The following RPS6KA5 variants were observed in gnomAD, a reference collection of about 807,000 sequenced individuals.
RPS6KA5 encodes ribosomal protein S6 kinase A5.
A neutral mutation model predicts 85.5 loss-of-function variants in RPS6KA5; 27 were observed. That is an observed-to-expected ratio of 0.32 (90% CI 0.23 to 0.44). The LOEUF (loss-of-function observed/expected upper bound fraction) is 0.44. Among genes scored for constraint, RPS6KA5 ranks in the 20% least tolerant of loss-of-function variants. The pLI is 1.00. For synonymous variants in RPS6KA5, 334 were observed against 348.2 expected (o/e 0.96, Z 0.46); for missense variants, 811 against 980.9 (o/e 0.83, Z 2.31).
intron 7 of RPS6KA5, among the ~76,000 whole-genome samples, chr14:90,908,034 C>A (rs904462549): frequency 6.6e-6 from 1 of 152,238 alleles, no homozygotes; most frequent in Non-Finnish European, 1.5e-5. Context: ...CATACTGACT[C>A]TGCACCATCT....
chr14:90,863,042 T>A lies in RPS6KA5; in HGVS notation c.*9032A>T, dbSNP rs75055810. ...ATATTGGGCTGGGTGAGGTGGCTCA[T>A]GCCTGTAATCTCAGCACTTTGGGAG... On this transcript the variant is annotated 3_prime_UTR_variant, in exon 17 of 17. Coordinates refer to ENST00000614987, the MANE Select transcript of RPS6KA5 (RefSeq NM_004755.4). The A allele has an allele frequency of 1.3e-5, 2 of 151,874 alleles. No individual in the cohort carries two copies. Among genetic ancestry groups the A allele is most frequent in the East Asian group, 3.9e-4 (2 of 5,172 alleles). 9.4% of individuals were successfully genotyped at this position (151,874 alleles called of 1,614,324 possible).
intron 5 of RPS6KA5, among the ~76,000 whole-genome samples, chr14:90,926,652 T>C (rs2036684984): frequency 7.5e-6 from 1 of 132,778 alleles, no homozygotes; most frequent in Non-Finnish European, 1.6e-5. Flanking sequence ...TGTGTATATA[T>C]ATATATATTT....
At position 90,906,061 on chromosome 14, in the gene RPS6KA5, G is replaced by C. The variant is rs532310165; in HGVS notation, c.957+88C>G. On this transcript the variant is annotated intron_variant, in intron 8 of 16. Coordinates refer to ENST00000614987, the MANE Select transcript of RPS6KA5 (RefSeq NM_004755.4). Reference sequence around the variant, plus strand: ...TGCCAGTGGAAAATGATCCCAAAGGGGACTGTGTTCACTAATTTCACCAAG... The same window carrying C: ...TGCCAGTGGAAAATGATCCCAAAGGCGACTGTGTTCACTAATTTCACCAAG... 2.7e-5 allele frequency: 34 copies of C among 1,253,648 alleles called. No homozygotes were observed. The East Asian group carries it at 5.9e-4, about 22-fold the overall frequency. The allele number at this position is 1,253,648 out of a possible 1,614,324, so 77.7% of individuals were successfully genotyped here.
rs1449473050 is a variant in RPS6KA5 at position 90,865,755 on chromosome 14, G to A, written c.*6319C>T. ...AAACAGAGGAGAGAGCTATCACATG[G>A]GCTTCCTAGAGAAAAATAAGCACTT... On this transcript the variant is annotated 3_prime_UTR_variant, in exon 17 of 17. Coordinates refer to ENST00000614987, the MANE Select transcript of RPS6KA5 (RefSeq NM_004755.4). The A allele has an allele frequency of 6.6e-6, 1 of 152,088 alleles. No homozygotes were observed. The highest frequency in any genetic ancestry group is 1.5e-5 in the Non-Finnish European group (1 of 68,036). The allele number at this position is 152,088 out of a possible 1,614,324, so 9.4% of individuals were successfully genotyped here. A position where few individuals can be genotyped will look rare whatever the true frequency, so the allele number is the denominator to read the frequency against.
At chr14:90,966,378 T>C (rs180978043) in intron 3 of RPS6KA5, among the ~76,000 whole-genome samples, 41 of 152,314 alleles carry the variant, frequency 2.7e-4, no homozygotes, top group Non-Finnish European at 5.3e-4. Context: ...AAATAAAGCA[T>C]TTCAGGAGTT....
intron 2 of RPS6KA5, among the ~76,000 whole-genome samples, chr14:90,983,969 G>A (rs140781751): frequency 0.011 from 1,655 of 152,000 alleles, 13 homozygotes; most frequent in African/African-American, 0.018. Context: ...CCCAGCCTCC[G>A]GATTAGCTGG....
rs1052507035 is a variant in RPS6KA5, at chr14:91,015,376, T to TA, written c.104-14218dup. Among the ~76,000 whole-genome samples the TA allele has an allele frequency of 2.1e-3, 321 of 150,730 alleles. 2 individuals carry two copies. The highest frequency in any genetic ancestry group is 7.2e-3 in the African/African-American group (298 of 41,178). The stretch of plus-strand genomic sequence containing the variant: ...AAAAATTTGATAACTTGTGAATGAT[T>TA]AAAAAAAAAATTAAACCATTACAGC... On this transcript the variant is annotated intron_variant, in intron 1 of 16. Transcript: ENST00000614987.
intron 3 of RPS6KA5, among the ~76,000 whole-genome samples, chr14:90,966,686 T>C (rs2039079841): frequency 6.6e-6 from 1 of 152,188 alleles, no homozygotes; most frequent in Non-Finnish European, 1.5e-5. Context: ...AGGACAATTT[T>C]CTCTCTGCCA....
intron 9 of RPS6KA5, among the ~76,000 whole-genome samples, chr14:90,902,573 A>G (rs570968461): frequency 6.6e-6 from 1 of 152,236 alleles, no homozygotes; most frequent in Admixed American, 6.5e-5. Context: ...ATAAAATTTC[A>G]GGTATAAAAT....
In RPS6KA5 at chr14:91,043,487, ACTT is replaced by A. The variant is rs1374600281; in HGVS notation, c.103+16842_103+16844del. On this transcript the variant is annotated intron_variant, in intron 1 of 16. Coordinates refer to ENST00000614987, the MANE Select transcript of RPS6KA5 (RefSeq NM_004755.4). ...AGTTTCACAACCGATTCTTCTACTT[ACTT>A]CTTGAGTAACCCTGAACAAGCCGGT... Among the ~76,000 whole-genome samples, 31 of 152,304 alleles carry A rather than the reference ACTT, an allele frequency of 2.0e-4. 1 individual carries two copies. Among genetic ancestry groups the A allele is most frequent in the Middle Eastern group, 6.8e-3 (2 of 294 alleles).
chr14:90,946,628 A>T (rs2037885174), intron 4 of RPS6KA5, among the ~76,000 whole-genome samples: 1 of 152,102 alleles, frequency 6.6e-6, no homozygotes, highest in South Asian at 2.1e-4. Flanking sequence ...CTAGTGTAGG[A>T]CCTGAATATA....
At chr14:90,977,620 C>T (rs2039623386) in intron 3 of RPS6KA5, among the ~76,000 whole-genome samples, 1 of 152,152 alleles carries the variant, frequency 6.6e-6, no homozygotes, top group Admixed American at 6.5e-5. Context: ...ACGTCCGTCC[C>T]CTTGTCAGCC....
At chr14:91,031,326 C>A (rs1252548023) in intron 1 of RPS6KA5, among the ~76,000 whole-genome samples, 1 of 150,626 alleles carries the variant, frequency 6.6e-6, no homozygotes, top group Non-Finnish European at 1.5e-5. Flanking sequence ...AAAGCTTTTC[C>A]AAAAAAAAAT....
rs2032423032 is a variant in RPS6KA5, at chr14:90,859,218, G to C, written c.*12856C>G. On this transcript the variant is annotated 3_prime_UTR_variant, in exon 17 of 17. Transcript: ENST00000614987. The stretch of plus-strand genomic sequence containing the variant: ...AACCAACCTTCAATAGGATTACAGT[G>C]ATATGCCTGTATTTTATCAGACTGC... The C allele has an allele frequency of 6.6e-6, 1 of 152,198 alleles. No individual in the cohort carries two copies. Among genetic ancestry groups the C allele is most frequent in the Non-Finnish European group, 1.5e-5 (1 of 68,048 alleles). The allele number at this position is 152,198 out of a possible 1,614,324, so 9.4% of individuals were successfully genotyped here.
intron 6 of RPS6KA5, among the ~76,000 whole-genome samples, chr14:90,921,931 T>A (rs1328891225): frequency 6.6e-6 from 1 of 152,146 alleles, no homozygotes; most frequent in Admixed American, 6.5e-5. Context: ...TACCCTTTAA[T>A]ACAGAAAAAA....
At chr14:90,943,443 C>T (rs2084478465) in intron 4 of RPS6KA5, among the ~76,000 whole-genome samples, 1 of 152,084 alleles carries the variant, frequency 6.6e-6, no homozygotes, top group South Asian at 2.1e-4. Context: ...TAGGGCCTCC[C>T]TCTTGACTCG....
intron 8 of RPS6KA5, 48 bp from the exon 9 acceptor site, chr14:90,903,017 T>A: frequency 6.6e-7 from 1 of 1,513,138 alleles, no homozygotes; most frequent in Non-Finnish European, 9.1e-7. Flanking sequence ...AGTCAAAATG[T>A]ACTTTCTAAG....
intron 5 of RPS6KA5, among the ~76,000 whole-genome samples, chr14:90,939,002 G>T (rs780220201): frequency 4.4e-4 from 67 of 152,176 alleles, no homozygotes; most frequent in Non-Finnish European, 7.8e-4. Context: ...TTGTCAGGCT[G>T]CAAATTTTCC....
intron 3 of RPS6KA5, among the ~76,000 whole-genome samples, chr14:90,968,565 T>C (rs1436680488): frequency 6.8e-6 from 1 of 146,546 alleles, no homozygotes; most frequent in Non-Finnish European, 1.5e-5. Context: ...ACCTCCATGA[T>C]AACACCATAA....
Sources: gnomAD v4.1 joint callset for allele counts (sites outside exome capture counted in the v4.1 genomes callset) on GRCh38, gnomAD v4.1.1 for gene constraint, MANE v1.5 for transcripts, NCBI Gene and HGNC (gene_info 2026-07-23, HGNC 2026-07-21) for gene names.